TTLL11: variants seen among roughly 807,000 people sequenced by gnomAD.
TTLL11 encodes the protein tubulin polyglutamylase TTLL11.
Under a neutral mutation model 51.7 loss-of-function variants are expected in TTLL11, and 42 were observed. The observed-to-expected ratio is 0.81, with a 90% CI of 0.64 to 1.05. The LOEUF (loss-of-function observed/expected upper bound fraction) is 1.05. Among genes scored for constraint, TTLL11 ranks in the 50% least tolerant of loss-of-function variants. The probability of loss-of-function intolerance (pLI) is 0.00; values close to 1 mark genes in which losing one functional copy is unlikely to be tolerated. For synonymous variants in TTLL11, 381 were observed against 383.5 expected, an observed-to-expected ratio of 0.99 and a Z score of 0.08; for missense variants, 799 against 940.4, an observed-to-expected ratio of 0.85 and a Z score of 1.97.
At chr9:121,953,533 G>A (rs750350499) in intron 6 of TTLL11, among the ~76,000 whole-genome samples, 12 of 151,068 alleles carry the variant, frequency 7.9e-5, no homozygotes, top group Non-Finnish European at 1.5e-4. Context: ...TCAGGAGGCT[G>A]AGGCATAAGA....
chr9:122,090,796 G>A lies in TTLL11; in HGVS notation c.462+1891C>T, dbSNP rs111324994. 1.1e-3 allele frequency among the ~76,000 whole-genome samples: 165 copies of A among 152,228 alleles called. 1 individual carries two copies. Among genetic ancestry groups the A allele is most frequent in the East Asian group, 7.3e-3 (38 of 5,184 alleles). On this transcript the variant is annotated intron_variant, in intron 1 of 8. Coordinates refer to ENST00000321582, the MANE Select transcript of TTLL11 (RefSeq NM_001139442.2). ...AGCAATACATAATATAATGCCTGGC[G>A]AAGTTTAGTACTATGGAAAAAAAAT...
Position 121,821,312 on chromosome 9 carries a change from C to G in TTLL11, c.*1275G>C, listed in dbSNP as rs895092396. Reference sequence around the variant, plus strand: ...CAGAACCCTCCCTTGCCACGCACTACGAGCATTTTCTGAGTCCTACAGTGC... The same window carrying G: ...CAGAACCCTCCCTTGCCACGCACTAGGAGCATTTTCTGAGTCCTACAGTGC... On this transcript the variant is annotated 3_prime_UTR_variant, in exon 9 of 9. Coordinates refer to ENST00000321582, the MANE Select transcript of TTLL11 (RefSeq NM_001139442.2). The surrounding 1 kb of genome is among the most constrained non-coding windows in gnomAD (Gnocchi z 5.0). 6.6e-6 allele frequency among the ~76,000 whole-genome samples: 1 copy of G among 152,132 alleles called. No individual in the cohort carries two copies.
At chr9:121,911,939 A>AT (rs1301180837) in intron 6 of TTLL11, among the ~76,000 whole-genome samples, 1 of 152,230 alleles carries the variant, frequency 6.6e-6, no homozygotes, top group Non-Finnish European at 1.5e-5. Context: ...ATAAAAAAAA[A>AT]TTTTAAAAAA....
rs187536422 is a variant in TTLL11 at position 121,989,436 on chromosome 9, G to C, written c.1028C>G (p.Thr343Ser). The C allele has an allele frequency of 7.4e-6, 12 of 1,614,162 alleles. No individual in the cohort carries two copies. The Admixed American group carries it at 1.5e-4, about 20-fold the overall frequency. The change falls in exon 4 of 9, where the codon ACC becomes AGC. Residue 343 changes from threonine (T) to serine (S), a missense_variant. By Grantham distance (58) the Thr-to-Ser change is moderately conservative (BLOSUM62 1). Around this residue, in one of 3 missense-constraint regions of TTLL11, gnomAD observed 468 missense variants for 612.8 expected, o/e 0.76. Transcript: ENST00000321582. This position sits in a 1 kb window ranked among gnomAD's most constrained non-coding sequence, Gnocchi z 4.2. ...GCTGTGGATGTTCAGTGAATAGTTG[G>C]TTAAGTGCATAAAGATGCGGTGCAG... Reference protein sequence around the residue: ...KNLHRIFMHLTNYSLNIHSGN... With the variant: ...KNLHRIFMHLSNYSLNIHSGN...
intron 1 of TTLL11, among the ~76,000 whole-genome samples, chr9:122,052,848 A>C (rs993977907): frequency 6.6e-6 from 1 of 152,192 alleles, no homozygotes; most frequent in East Asian, 1.9e-4. Flanking sequence ...CCTGCCAACT[A>C]TTAAGGGCCT....
At chr9:121,848,485 T>C (rs886628545) in intron 8 of TTLL11, among the ~76,000 whole-genome samples, 1 of 152,140 alleles carries the variant, frequency 6.6e-6, no homozygotes, top group African/African-American at 2.4e-5. Context: ...CAGTGGATTG[T>C]CAATGTAGAA....
chr9:122,031,955 C>CTCTT (rs1352698636), intron 2 of TTLL11, 99 bp from the exon 3 acceptor site: 1 of 1,471,422 alleles, frequency 6.8e-7, no homozygotes, highest in African/African-American at 1.4e-5. Context: ...CCGACATATT[C>CTCTT]TCTTTTTCAG....
Position 121,989,041 on chromosome 9 carries a change from TTGGG to T in TTLL11, c.1269+150_1269+153del. 1 of 1,496,746 alleles carries T rather than the reference TTGGG, an allele frequency of 6.7e-7. No individual in the cohort carries two copies. Among genetic ancestry groups the T allele is most frequent in the Non-Finnish European group, 8.9e-7 (1 of 1,123,176 alleles). The allele number at this position is 1,496,746 out of a possible 1,614,324, so 92.7% of individuals were successfully genotyped here. ...AGGGAGCAAACAGAAAGCTTGGAAG[TTGGG>T]CCCAGGTTTAACACCCAAGCCCACA... On this transcript the variant is annotated intron_variant, in intron 4 of 8. Coordinates refer to ENST00000321582, the MANE Select transcript of TTLL11 (RefSeq NM_001139442.2). This position sits in a 1 kb window ranked among gnomAD's most constrained non-coding sequence, Gnocchi z 4.2.
At chr9:121,888,867 G>A (rs960917767) in intron 6 of TTLL11, among the ~76,000 whole-genome samples, 1 of 152,242 alleles carries the variant, frequency 6.6e-6, no homozygotes, top group Non-Finnish European at 1.5e-5. Context: ...TTGGACACAG[G>A]TCCAATTTAG....
At chr9:121,919,619 G>A (rs1031281986) in intron 6 of TTLL11, among the ~76,000 whole-genome samples, 2 of 152,142 alleles carry the variant, frequency 1.3e-5, no homozygotes, top group Admixed American at 1.3e-4. Context: ...TTGTAATATG[G>A]AAGACAGTTG....
At chr9:122,031,066 CAG>C (rs2131806931) in intron 3 of TTLL11, among the ~76,000 whole-genome samples, 1 of 152,308 alleles carries the variant, frequency 6.6e-6, no homozygotes, top group South Asian at 2.1e-4. Context: ...ATAGTCACCC[CAG>C]AGTTATGGGA....
chr9:121,837,522 T>A (rs1588058721), intron 8 of TTLL11, among the ~76,000 whole-genome samples: 1 of 151,522 alleles, frequency 6.6e-6, no homozygotes, highest in Admixed American at 6.6e-5. Context: ...CGGGTGGGGG[T>A]GAGGGATGAG....
At chr9:121,880,953 AC>A (rs768525826) in intron 6 of TTLL11, among the ~76,000 whole-genome samples, 13 of 151,990 alleles carry the variant, frequency 8.6e-5, no homozygotes, top group Non-Finnish European at 1.6e-4. Context: ...GTATTTCTAC[AC>A]CCCTCTACTT....
chr9:121,886,415 A>C (rs1839013093), intron 6 of TTLL11, among the ~76,000 whole-genome samples: 1 of 152,128 alleles, frequency 6.6e-6, no homozygotes, highest in Admixed American at 6.5e-5. Context: ...TAGGAGAGAG[A>C]TAGAGGGAGA....
At chr9:122,014,581 T>C (rs7862087) in intron 3 of TTLL11, among the ~76,000 whole-genome samples, 22,562 of 152,082 alleles carry the variant, frequency 0.15, 2,978 homozygotes, top group African/African-American at 0.35. Flanking sequence ...GGACCCTTCA[T>C]TGGAAGCCAA....
intron 6 of TTLL11, among the ~76,000 whole-genome samples, chr9:121,908,872 C>G (rs1436515500): frequency 6.6e-6 from 1 of 152,198 alleles, no homozygotes; most frequent in Non-Finnish European, 1.5e-5. Flanking sequence ...TTCATTTTAA[C>G]TTGATTACAT....
intron 1 of TTLL11, among the ~76,000 whole-genome samples, chr9:122,063,852 C>T (rs755608728): frequency 9.9e-5 from 15 of 152,184 alleles, no homozygotes; most frequent in Non-Finnish European, 1.9e-4. Context: ...AGCAATGGGG[C>T]GGCCTCCTTT....
chr9:121,986,632 C>A (rs1842949148), intron 4 of TTLL11, among the ~76,000 whole-genome samples: 1 of 152,110 alleles, frequency 6.6e-6, no homozygotes, highest in African/African-American at 2.4e-5. Flanking sequence ...GCAATTACCC[C>A]TTCCTGGTAC....
chr9:121,903,952 C>A (rs905259549), intron 6 of TTLL11, among the ~76,000 whole-genome samples: 2 of 152,142 alleles, frequency 1.3e-5, no homozygotes, highest in African/African-American at 4.8e-5. Context: ...GGTTTTCCAG[C>A]TCAGCTCAGG....
Sources: gnomAD v4.1 joint callset for allele counts (sites outside exome capture counted in the v4.1 genomes callset) on GRCh38, gnomAD v4.1.1 for gene constraint, gnomAD v4.1.1 regional missense constraint, Gnocchi (gnomAD v3.1) non-coding constraint, MANE v1.5 for transcripts, NCBI Gene and HGNC (gene_info 2026-07-23, HGNC 2026-07-21) for gene names.